Variants in SAE1 observed in about 807,000 individuals in gnomAD.
SAE1 encodes the protein SUMO1 activating enzyme subunit 1.
Under a neutral mutation model 40.6 loss-of-function variants are expected in SAE1, and 11 were observed. The observed-to-expected ratio is 0.27, with a 90% CI of 0.17 to 0.45. The LOEUF (loss-of-function observed/expected upper bound fraction) is 0.45, where lower values mean the gene tolerates loss of function less well. Among genes scored for constraint, SAE1 ranks in the 20% least tolerant of loss-of-function variants. The pLI, the probability that SAE1 is intolerant of heterozygous loss-of-function variation, is 1.00. For synonymous variants in SAE1, 155 were observed against 154.3 expected (o/e 1.00, Z -0.03); for missense variants, 373 against 427.3 (o/e 0.87, Z 1.12).
chr19:47,137,131 G>A (rs2058185354), intron 1 of SAE1, among the ~76,000 whole-genome samples: 1 of 152,130 alleles, frequency 6.6e-6, no homozygotes, highest in Admixed American at 6.6e-5. Context: ...GACTCAGCCT[G>A]TAATCCCAGG....
chr19:47,177,280 A>G (rs530783712), intron 6 of SAE1, among the ~76,000 whole-genome samples: 4 of 152,354 alleles, frequency 2.6e-5, no homozygotes, highest in African/African-American at 9.6e-5. Flanking sequence ...GTGAAAGACA[A>G]ACAAATAATT....
intron 5 of SAE1, among the ~76,000 whole-genome samples, chr19:47,157,969 C>G (rs1420192228): frequency 6.6e-6 from 1 of 151,894 alleles, no homozygotes; most frequent in East Asian, 1.9e-4. Context: ...TCCGTTTTGG[C>G]ACAGATGGCC....
chr19:47,145,413 C>T (rs941961553), intron 2 of SAE1, among the ~76,000 whole-genome samples: 2 of 152,070 alleles, frequency 1.3e-5, no homozygotes, highest in East Asian at 1.9e-4. Context: ...TCCCAAAGTG[C>T]GGTGATTACA....
chr19:47,185,964 G>A (rs566489118), intron 6 of SAE1, among the ~76,000 whole-genome samples: 6 of 151,600 alleles, frequency 4.0e-5, no homozygotes, highest in Non-Finnish European at 5.9e-5. Context: ...TTGGCCCCGG[G>A]CGTGGTGGCT....
chr19:47,151,559 C>T (rs989092383), intron 3 of SAE1, among the ~76,000 whole-genome samples: 4 of 152,106 alleles, frequency 2.6e-5, no homozygotes, highest in Non-Finnish European at 5.9e-5. Flanking sequence ...GCAACCTCCG[C>T]CTCCCTGGTT....
chr19:47,139,159 C>T (rs1314963479), intron 1 of SAE1, among the ~76,000 whole-genome samples: 1 of 152,062 alleles, frequency 6.6e-6, no homozygotes, highest in African/African-American at 2.4e-5. Context: ...ACCATATTGG[C>T]CAGGCTGGTC....
At chr19:47,164,608 T>C (rs2058378776) in intron 5 of SAE1, among the ~76,000 whole-genome samples, 1 of 151,582 alleles carries the variant, frequency 6.6e-6, no homozygotes, top group African/African-American at 2.4e-5. Context: ...ACAACAAATT[T>C]GATGGTTGAT....
intron 3 of SAE1, among the ~76,000 whole-genome samples, chr19:47,152,229 A>G (rs1319450380): frequency 6.6e-6 from 1 of 152,230 alleles, no homozygotes; most frequent in Admixed American, 6.5e-5. Context: ...GCCATTTCCA[A>G]TACCTCAACT....
At chr19:47,134,913 C>T (rs922296567) in intron 1 of SAE1, among the ~76,000 whole-genome samples, 5 of 151,964 alleles carry the variant, frequency 3.3e-5, no homozygotes, top group Admixed American at 6.6e-5. Flanking sequence ...AAAGGATTGG[C>T]TGGGGGTTGC....
At chr19:47,187,880 A>C (rs1021720678) in intron 6 of SAE1, among the ~76,000 whole-genome samples, 2 of 152,032 alleles carry the variant, frequency 1.3e-5, no homozygotes, top group Non-Finnish European at 2.9e-5. Context: ...GTTATCCTTT[A>C]TTCTTCAAAC....
chr19:47,183,295 A>G (rs2058522710), intron 6 of SAE1, among the ~76,000 whole-genome samples: 1 of 151,856 alleles, frequency 6.6e-6, no homozygotes, highest in South Asian at 2.1e-4. Context: ...TCCTGTTTTC[A>G]CATGAGGAAA....
At chr19:47,181,452 T>C (rs1036992134) in intron 6 of SAE1, among the ~76,000 whole-genome samples, 1 of 151,138 alleles carries the variant, frequency 6.6e-6, no homozygotes, top group African/African-American at 2.4e-5. Flanking sequence ...GGTTTTTGTT[T>C]TGTTTTTCTT....
chr19:47,181,653 A>AT (rs1325864897), intron 6 of SAE1, among the ~76,000 whole-genome samples: 1 of 149,158 alleles, frequency 6.7e-6, no homozygotes, highest in Non-Finnish European at 1.5e-5. Flanking sequence ...TAATTTTTGT[A>AT]TTTTTGGTAG....
intron 2 of SAE1, among the ~76,000 whole-genome samples, chr19:47,144,893 G>T (rs919507276): frequency 6.6e-6 from 1 of 152,142 alleles, no homozygotes; most frequent in African/African-American, 2.4e-5. Context: ...GTGCAATGGC[G>T]CAATCTCCGC....
rs1647705655 is a variant in SAE1 at position 47,185,870 on chromosome 19, G to A, written c.734-11363G>A. Among the ~76,000 whole-genome samples, 4 of 151,472 alleles carry A rather than the reference G, an allele frequency of 2.6e-5. No individual in the cohort carries two copies. The South Asian group carries it at 8.3e-4, about 32-fold the overall frequency. ...ACCCATCTCAGCCTCCCAAAGTGCTGGGATTACAGGCATGAGCCACCGCAC... is the reference window on the plus strand; with the variant it reads ...ACCCATCTCAGCCTCCCAAAGTGCTAGGATTACAGGCATGAGCCACCGCAC... On this transcript the variant is annotated intron_variant, in intron 6 of 8. Transcript: ENST00000270225.
intron 1 of SAE1, chr19:47,135,740 T>G (rs2058175121): frequency 6.6e-6 from 1 of 152,112 alleles, no homozygotes; most frequent in Non-Finnish European, 1.5e-5. Flanking sequence ...CCTGCCTCCC[T>G]GCAAAGTGCT....
Position 47,130,899 on chromosome 19 carries a change from G to C in SAE1, c.-32G>C. On this transcript the variant is annotated 5_prime_UTR_variant, in exon 1 of 9. Coordinates refer to ENST00000270225, the MANE Select transcript of SAE1 (RefSeq NM_005500.3). ...GTCCGGCGGGCGGTTGGCTTGAGCG[G>C]GACCGGAGCTGAGGCAGGAAGAGCC... The C allele has an allele frequency of 1.3e-6, 2 of 1,548,384 alleles. No homozygotes were observed. Among genetic ancestry groups the C allele is most frequent in the Non-Finnish European group, 1.7e-6 (2 of 1,146,340 alleles).
chr19:47,198,454 C>T (rs1396073619), intron 7 of SAE1, among the ~76,000 whole-genome samples: 3 of 152,124 alleles, frequency 2.0e-5, no homozygotes, highest in Non-Finnish European at 4.4e-5. Flanking sequence ...TGTACACACC[C>T]TAATTCCCTT....
chr19:47,136,572 C>G (rs377640369), intron 1 of SAE1, among the ~76,000 whole-genome samples: 1 of 147,448 alleles, frequency 6.8e-6, no homozygotes, highest in South Asian at 2.2e-4. Context: ...CTCAGCTCAC[C>G]GCAACCCTTG....
Sources: gnomAD v4.1 joint callset for allele counts (sites outside exome capture counted in the v4.1 genomes callset) on GRCh38, gnomAD v4.1.1 for gene constraint, MANE v1.5 for transcripts, NCBI Gene and HGNC (gene_info 2026-07-23, HGNC 2026-07-21) for gene names.